Variants in NIM1K observed in about 807,000 individuals in gnomAD.
NIM1K encodes the protein serine/threonine-protein kinase NIM1.
A neutral mutation model predicts 37.1 loss-of-function variants in NIM1K; 35 were observed. That is an observed-to-expected ratio of 0.94 (90% CI 0.72 to 1.25). NIM1K has a LOEUF of 1.25. NIM1K is among the 50% of genes most tolerant of loss of function. The pLI, the probability that NIM1K is intolerant of heterozygous loss-of-function variation, is 0.00. For missense variants in NIM1K, 564 were observed against 548.0 expected (o/e 1.03, Z -0.29); for synonymous variants, 234 against 206.6 (o/e 1.13, Z -1.14).
In NIM1K at chr5:43,280,076, G is replaced by A. The variant is rs776701629; in HGVS notation, c.658G>A (p.Val220Ile). 2.5e-6 allele frequency: 4 copies of A among 1,614,180 alleles called. No individual in the cohort carries two copies. The highest frequency in any genetic ancestry group is 2.2e-5 in the South Asian group (2 of 91,080). ...VKVGDFGFSTVSKKGEMLNTF... is the reference protein window; with the variant it reads ...VKVGDFGFSTISKKGEMLNTF... ...GGTGGGCGATTTTGGATTCAGCACA[G>A]TAAGCAAAAAAGGTGAAATGCTGAA... The change falls in exon 4 of 4, where the codon GTA becomes ATA. Residue 220 changes from valine (V) to isoleucine (I), a missense_variant. Val to Ile is a conservative substitution (Grantham distance 29, BLOSUM62 3). Coordinates refer to ENST00000326035, the MANE Select transcript of NIM1K (RefSeq NM_153361.4).
intron 2 of NIM1K, among the ~76,000 whole-genome samples, chr5:43,253,185 T>TATATA (rs1191917722): frequency 7.2e-6 from 1 of 139,776 alleles, no homozygotes; most frequent in Non-Finnish European, 1.5e-5. Context: ...TATAATGTAA[T>TATATA]ATATAATATA....
intron 1 of NIM1K, among the ~76,000 whole-genome samples, chr5:43,234,589 G>GACC (rs1037982831): frequency 6.6e-6 from 1 of 151,970 alleles, no homozygotes; most frequent in Non-Finnish European, 1.5e-5. Context: ...AGGAGTTGAA[G>GACC]ACCAGCCTGG....
intron 1 of NIM1K, among the ~76,000 whole-genome samples, chr5:43,243,818 A>T (rs1235153009): frequency 2.0e-5 from 3 of 152,156 alleles, no homozygotes; most frequent in Non-Finnish European, 4.4e-5. Flanking sequence ...CTGAGACTAC[A>T]GGTGCACACC....
intron 1 of NIM1K, among the ~76,000 whole-genome samples, chr5:43,243,366 G>A (rs971236519): frequency 3.3e-5 from 5 of 152,072 alleles, no homozygotes; most frequent in Non-Finnish European, 7.4e-5. Context: ...GAGATCTAGT[G>A]CCACTTGACC....
At chr5:43,211,171 C>CAAAAAA in intron 1 of NIM1K, among the ~76,000 whole-genome samples, 1 of 150,142 alleles carries the variant, frequency 6.7e-6, no homozygotes, top group Non-Finnish European at 1.5e-5. Context: ...GAACCTTTCT[C>CAAAAAA]AAAAAAGAAA....
At chr5:43,221,522 A>G (rs1342265733) in intron 1 of NIM1K, among the ~76,000 whole-genome samples, 3 of 152,166 alleles carry the variant, frequency 2.0e-5, no homozygotes, top group Non-Finnish European at 4.4e-5. Context: ...TTAAATTTAA[A>G]GAGTTTAATT....
chr5:43,213,245 TCTTTCTTG>T lies in NIM1K; in HGVS notation c.-695+20835_-695+20842del, dbSNP rs1314698981. On this transcript the variant is annotated intron_variant, in intron 1 of 3. Coordinates refer to ENST00000326035, the MANE Select transcript of NIM1K (RefSeq NM_153361.4). ...TCTTTCCTTCTTTTCTTCCTTTCTT[TCTTTCTTG>T]TTCTTTCTTGTTTCTTTTTCTTTCT... Among the ~76,000 whole-genome samples, 294 of 149,192 alleles carry T rather than the reference TCTTTCTTG, an allele frequency of 2.0e-3. 26 individuals are homozygous for T. The highest frequency in any genetic ancestry group is 6.0e-3 in the African/African-American group (240 of 40,184).
chr5:43,195,584 T>A (rs565457419), intron 1 of NIM1K, among the ~76,000 whole-genome samples: 2 of 149,396 alleles, frequency 1.3e-5, no homozygotes, highest in Non-Finnish European at 3.0e-5. Flanking sequence ...TGCTTGAGCC[T>A]GGGAGGTTCA....
At chr5:43,258,727 G>C (rs918845983) in intron 2 of NIM1K, among the ~76,000 whole-genome samples, 1 of 152,120 alleles carries the variant, frequency 6.6e-6, no homozygotes, top group African/African-American at 2.4e-5. Context: ...ACAGATGTGA[G>C]CCACTGAGTC....
chr5:43,262,666 G>A (rs899138000), intron 2 of NIM1K, among the ~76,000 whole-genome samples: 40 of 152,052 alleles, frequency 2.6e-4, no homozygotes, highest in Non-Finnish European at 8.8e-5. Context: ...TGGTGAGAGA[G>A]GGCATCCCTG....
chr5:43,194,255 G>A lies in NIM1K; in HGVS notation c.-695+1844G>A, dbSNP rs569417777. On this transcript the variant is annotated intron_variant, in intron 1 of 3. Coordinates refer to ENST00000326035, the MANE Select transcript of NIM1K (RefSeq NM_153361.4). ...CTAATTAGGAGATGGGAGAATGTAG[G>A]GGGGGATTCCTGCGAGAGGCTAGTG... Among the ~76,000 whole-genome samples the A allele has an allele frequency of 3.9e-5, 6 of 152,154 alleles. No individual in the cohort carries two copies. The South Asian group carries it at 6.2e-4, about 16-fold the overall frequency.
At chr5:43,243,672 G>T (rs10473304) in intron 1 of NIM1K, among the ~76,000 whole-genome samples, 10,834 of 151,924 alleles carry the variant, frequency 0.071, 792 homozygotes, top group African/African-American at 0.19. Flanking sequence ...TTTTTTGTTT[G>T]TTTGCTTTGC....
At position 43,255,754 on chromosome 5, in the gene NIM1K, A is replaced by AAAAAAAGAAAGAAAG. The variant is rs112325348; in HGVS notation, c.292+9690_292+9691insAAAGAAAGAAAGAAA. ...CAGAGCCAGACTCTGTCTCAAAAAAAAAAGAAAGAAAGAAAGAAAGAAAGA... is the reference window on the plus strand; with the variant it reads ...CAGAGCCAGACTCTGTCTCAAAAAAAAAAAAAGAAAGAAAGAAAGAAAGAAAGAAAGAAAGAAAGA... On this transcript the variant is annotated intron_variant, in intron 2 of 3. Transcript: ENST00000326035. 3.0e-3 allele frequency among the ~76,000 whole-genome samples: 401 copies of AAAAAAAGAAAGAAAG among 131,880 alleles called. 1 individual carries two copies. Among genetic ancestry groups the AAAAAAAGAAAGAAAG allele is most frequent in the African/African-American group, 3.7e-3 (132 of 35,672 alleles). The allele number at this position is 131,880 out of a possible 152,430, so 86.5% of individuals were successfully genotyped here. A position where few individuals can be genotyped will look rare whatever the true frequency, so the allele number is the denominator to read the frequency against.
Position 43,245,668 on chromosome 5 carries a change from A to G in NIM1K, c.-108A>G. The G allele has an allele frequency of 2.7e-6, 3 of 1,098,068 alleles. No homozygotes were observed. The highest frequency in any genetic ancestry group is 3.9e-6 in the Non-Finnish European group (3 of 770,870). The allele number at this position is 1,098,068 out of a possible 1,614,324, so 68.0% of individuals were successfully genotyped here. On this transcript the variant is annotated 5_prime_UTR_variant, in exon 2 of 4. Transcript: ENST00000326035. ...TCAGCTCTCAGGAAAACTCTTTTGA[A>G]CCCTGGGCACCTGCTGTCCTCAGTT...
At chr5:43,207,930 T>A (rs998924680) in intron 1 of NIM1K, 10 of 462,084 alleles carry the variant, frequency 2.2e-5, no homozygotes, top group African/African-American at 1.5e-4. Context: ...TTCCTTTTTT[T>A]AAACTATTAT....
At chr5:43,218,398 AC>A (rs1752333944) in intron 1 of NIM1K, among the ~76,000 whole-genome samples, 1 of 152,140 alleles carries the variant, frequency 6.6e-6, no homozygotes, top group African/African-American at 2.4e-5. Context: ...TTATAAACAG[AC>A]CTATTTGGCT....
chr5:43,248,545 T>C (rs78340640), intron 2 of NIM1K, among the ~76,000 whole-genome samples: 1 of 152,126 alleles, frequency 6.6e-6, no homozygotes, highest in East Asian at 1.9e-4. Flanking sequence ...GAGCTGGTGA[T>C]GCCAAAGAGA....
In NIM1K at chr5:43,269,679, C is replaced by T. The variant is rs375882411; in HGVS notation, c.293-7378C>T. 2.0e-5 allele frequency among the ~76,000 whole-genome samples: 3 copies of T among 151,886 alleles called. No individual in the cohort carries two copies. In the South Asian group the frequency reaches 6.2e-4, roughly 32 times the overall value. On this transcript the variant is annotated intron_variant, in intron 2 of 3. Coordinates refer to ENST00000326035, the MANE Select transcript of NIM1K (RefSeq NM_153361.4). ...TGTCACCCAGGCTGGAGTGCAGTGG[C>T]GAGATCTCTGCTCACTGCAAGCTCC...
chr5:43,270,282 G>T (rs1753235913), intron 2 of NIM1K, among the ~76,000 whole-genome samples: 1 of 152,136 alleles, frequency 6.6e-6, no homozygotes, highest in South Asian at 2.1e-4. Context: ...GAAAATTGAT[G>T]CAGGAGAGAA....
Sources: allele counts gnomAD v4.1 joint callset (sites outside exome capture counted in the v4.1 genomes callset), GRCh38; gene constraint gnomAD v4.1.1; transcripts MANE v1.5; gene names NCBI Gene and HGNC (gene_info 2026-07-23, HGNC 2026-07-21).